The following FAM110B variants were observed in gnomAD, a reference collection of about 807,000 sequenced individuals.
The protein encoded by FAM110B is protein FAM110B.
Under a neutral mutation model 20.4 loss-of-function variants are expected in FAM110B, and 6 were observed. The ratio of observed to expected loss-of-function variants is 0.29; its 90% CI spans 0.16 to 0.58. FAM110B has a LOEUF of 0.58. Ranked by LOEUF, FAM110B falls within the 20% of genes least tolerant of loss-of-function variation. The probability of loss-of-function intolerance (pLI) is 0.90; values close to 1 mark genes in which losing one functional copy is unlikely to be tolerated. For synonymous variants in FAM110B, 226 were observed against 214.1 expected, an observed-to-expected ratio of 1.06 and a Z score of -0.49; for missense variants, 434 against 498.2, an observed-to-expected ratio of 0.87 and a Z score of 1.23.
intron 2 of FAM110B, among the ~76,000 whole-genome samples, chr8:58,039,670 T>G (rs4407868): frequency 6.6e-6 from 1 of 152,112 alleles, no homozygotes; most frequent in Non-Finnish European, 1.5e-5. Flanking sequence ...CAGATCTGCC[T>G]CCTGATAGTG....
Position 58,146,794 on chromosome 8 carries a change from G to C in FAM110B, c.564G>C (p.Gln188His), listed in dbSNP as rs967805762. 1 of 1,610,246 alleles carries C rather than the reference G, an allele frequency of 6.2e-7. No individual in the cohort carries two copies. The highest frequency in any genetic ancestry group is 1.3e-5 in the African/African-American group (1 of 74,902). Residue 188 changes from glutamine (Q) to histidine (H), a missense_variant, in exon 4 of 4, where the codon CAG becomes CAC. Physicochemically the swap from Gln to His is conservative, Grantham distance 24. Coordinates refer to ENST00000519262, the MANE Select transcript of FAM110B (RefSeq NM_001377989.1). ...ACGTGGGCAGGAGACTGCTGGAGCAGTCAGCCGAGTCCTTCCTCCACGTGT... is the reference window on the plus strand; with the variant it reads ...ACGTGGGCAGGAGACTGCTGGAGCACTCAGCCGAGTCCTTCCTCCACGTGT... ...GSHVGRRLLEQSAESFLHVSH... is the reference protein window; with the variant it reads ...GSHVGRRLLEHSAESFLHVSH...
intron 3 of FAM110B, among the ~76,000 whole-genome samples, chr8:58,104,399 A>G (rs1055537435): frequency 2.0e-5 from 3 of 152,244 alleles, no homozygotes; most frequent in East Asian, 1.9e-4. Flanking sequence ...ATCGTTTTAT[A>G]TATGGGCCAT....
At chr8:58,102,897 C>T (rs944759417) in intron 3 of FAM110B, among the ~76,000 whole-genome samples, 2 of 146,766 alleles carry the variant, frequency 1.4e-5, no homozygotes, top group Non-Finnish European at 3.0e-5. Context: ...CTAGAAACTT[C>T]AAAGCCATGA....
intron 3 of FAM110B, among the ~76,000 whole-genome samples, chr8:58,102,745 C>T (rs191336061): frequency 7.9e-5 from 12 of 152,174 alleles, no homozygotes; most frequent in Middle Eastern, 6.8e-3. Context: ...TCATAGTTTC[C>T]AGTGGGAGCA....
chr8:58,075,443 T>C (rs1806014570), intron 2 of FAM110B, 92 bp from the exon 3 acceptor site: 1 of 152,104 alleles, frequency 6.6e-6, no homozygotes, highest in African/African-American at 2.4e-5. Flanking sequence ...TTTAAAAGAA[T>C]TACCACTGTC....
intron 2 of FAM110B, among the ~76,000 whole-genome samples, chr8:58,037,584 A>AG (rs1805104201): frequency 6.6e-6 from 1 of 151,994 alleles, no homozygotes; most frequent in Non-Finnish European, 1.5e-5. Flanking sequence ...GGCTGCAGTG[A>AG]GCTGATAGTG....
intron 1 of FAM110B, among the ~76,000 whole-genome samples, chr8:58,000,351 T>A (rs1362536858): frequency 1.3e-5 from 2 of 152,238 alleles, no homozygotes; most frequent in Non-Finnish European, 1.5e-5. Flanking sequence ...TCTTTTATGT[T>A]ACTTATGATA....
chr8:58,092,704 A>G (rs1386524845), intron 3 of FAM110B, among the ~76,000 whole-genome samples: 1 of 152,178 alleles, frequency 6.6e-6, no homozygotes, highest in African/African-American at 2.4e-5. Flanking sequence ...TGCAACACAC[A>G]TAATATGTGC....
chr8:58,115,179 T>C (rs1807171127), intron 3 of FAM110B, among the ~76,000 whole-genome samples: 1 of 152,032 alleles, frequency 6.6e-6, no homozygotes, highest in Admixed American at 6.5e-5. Flanking sequence ...AAAGACTACT[T>C]TCCTGGCTCA....
At chr8:58,043,811 A>G (rs986465464) in intron 2 of FAM110B, among the ~76,000 whole-genome samples, 1 of 152,192 alleles carries the variant, frequency 6.6e-6, no homozygotes, top group African/African-American at 2.4e-5. Context: ...TTCTGTTATT[A>G]TGCCATTTTA....
intron 2 of FAM110B, among the ~76,000 whole-genome samples, chr8:58,073,578 C>T (rs1377557995): frequency 6.6e-6 from 1 of 152,172 alleles, no homozygotes; most frequent in African/African-American, 2.4e-5. Flanking sequence ...AATAGATTTA[C>T]ATCATATGGG....
At chr8:58,063,591 A>T (rs2150586466) in intron 2 of FAM110B, among the ~76,000 whole-genome samples, 1 of 152,318 alleles carries the variant, frequency 6.6e-6, no homozygotes, top group South Asian at 2.1e-4. Context: ...GAACTGTTGC[A>T]GTAAGCATAT....
At chr8:57,996,960 A>G (rs1418377048) in intron 1 of FAM110B, among the ~76,000 whole-genome samples, 2 of 152,170 alleles carry the variant, frequency 1.3e-5, no homozygotes, top group African/African-American at 4.8e-5. Context: ...GTAACCAAAG[A>G]TTGTGTTTCC....
At chr8:58,121,008 A>G (rs895003587) in intron 3 of FAM110B, among the ~76,000 whole-genome samples, 1 of 152,208 alleles carries the variant, frequency 6.6e-6, no homozygotes. Flanking sequence ...ATATAAAGGG[A>G]TGTAACGGTG....
At chr8:58,087,951 T>G (rs1295125681) in intron 3 of FAM110B, among the ~76,000 whole-genome samples, 1 of 152,182 alleles carries the variant, frequency 6.6e-6, no homozygotes, top group African/African-American at 2.4e-5. Context: ...CAAAACTAAT[T>G]TGTAACTTTC....
At chr8:58,083,171 G>A (rs563856392) in intron 3 of FAM110B, among the ~76,000 whole-genome samples, 3 of 152,276 alleles carry the variant, frequency 2.0e-5, no homozygotes, top group South Asian at 2.1e-4. Context: ...AGACACAACA[G>A]CACAGGGCTT....
chr8:58,064,460 C>T (rs7010934), intron 2 of FAM110B, among the ~76,000 whole-genome samples: 45,369 of 151,638 alleles, frequency 0.3, 9,141 homozygotes, highest in African/African-American at 0.58. Context: ...TTAGTTAAGT[C>T]CCAGAATTTC....
chr8:58,018,851 T>C (rs549881779), intron 1 of FAM110B, among the ~76,000 whole-genome samples: 36 of 151,206 alleles, frequency 2.4e-4, no homozygotes, highest in Non-Finnish European at 4.3e-4. Flanking sequence ...GATAGATAGA[T>C]AGATAGAGAA....
intron 1 of FAM110B, among the ~76,000 whole-genome samples, chr8:58,002,807 A>G (rs1360454103): frequency 6.6e-6 from 1 of 152,244 alleles, no homozygotes; most frequent in African/African-American, 2.4e-5. Flanking sequence ...AGCCTTCAGC[A>G]AGTCATACTC....
Sources: allele counts gnomAD v4.1 joint callset (sites outside exome capture counted in the v4.1 genomes callset), GRCh38; gene constraint gnomAD v4.1.1; transcripts MANE v1.5; gene names NCBI Gene and HGNC (gene_info 2026-07-23, HGNC 2026-07-21).